PCDHGB2: variants seen among roughly 807,000 people sequenced by gnomAD.
PCDHGB2 encodes protocadherin gamma-B2.
In PCDHGB2, 55 loss-of-function variants were observed where a neutral mutation model predicts 59.3. The ratio of observed to expected loss-of-function variants is 0.93; its 90% CI spans 0.75 to 1.16. The LOEUF is 1.16. Ranked by LOEUF, PCDHGB2 falls within the 50% of genes most tolerant of loss-of-function variation. The probability of loss-of-function intolerance (pLI) is 0.00; values close to 1 mark genes in which losing one functional copy is unlikely to be tolerated. For synonymous variants in PCDHGB2, 516 were observed against 512.0 expected, an observed-to-expected ratio of 1.01 and a Z score of -0.11; for missense variants, 1,228 against 1,198.5, an observed-to-expected ratio of 1.02 and a Z score of -0.36.
intron 1 of PCDHGB2, chr5:141,407,908 G>C (rs1431775491): frequency 2.4e-6 from 1 of 420,166 alleles, no homozygotes; most frequent in Non-Finnish European, 4.2e-6. Flanking sequence ...ATGAAAAACC[G>C]GGCTGCTGTC....
rs1055747392 is a variant in PCDHGB2 at position 141,490,298 on chromosome 5, C to G, written c.2422-4509C>G. 6.2e-7 allele frequency: 1 copy of G among 1,614,178 alleles called. No individual in the cohort carries two copies. The highest frequency in any genetic ancestry group is 1.3e-5 in the African/African-American group (1 of 75,036). On this transcript the variant is annotated intron_variant, in intron 1 of 3. Transcript: ENST00000522605. The surrounding 1 kb of genome is among the most constrained non-coding windows in gnomAD (Gnocchi z 5.4). ...GACAATGCCCCAGAGGTGCTATTGG[C>G]CTCTTTGGCCAACCCTGTCCTAGAG...
chr5:141,423,708 T>A (rs1384948123), intron 1 of PCDHGB2: 23 of 1,349,902 alleles, frequency 1.7e-5, no homozygotes, highest in Non-Finnish European at 2.2e-5. Flanking sequence ...TTGGCACAAG[T>A]CTTTTAAGGA....
rs752402965 is a variant in PCDHGB2, at chr5:141,491,400, C to G, written c.2422-3407C>G. The G allele has an allele frequency of 2.7e-5, 44 of 1,613,990 alleles. No individual in the cohort carries two copies. The highest frequency in any genetic ancestry group is 3.5e-5 in the Non-Finnish European group (41 of 1,179,996). On this transcript the variant is annotated intron_variant, in intron 1 of 3. Coordinates refer to ENST00000522605, the MANE Select transcript of PCDHGB2 (RefSeq NM_018923.3). The surrounding 1 kb of genome is among the most constrained non-coding windows in gnomAD (Gnocchi z 6.9). ...TGTCAGCGAAGTGCCTTCAGGGAAA[C>G]GCAGACGGGGACGGGGGTGGAGGGC... is the stretch of plus-strand genomic sequence containing the variant.
chr5:141,369,477 G>A (rs372546289), intron 1 of PCDHGB2, among the ~76,000 whole-genome samples: 20 of 151,976 alleles, frequency 1.3e-4, no homozygotes, highest in East Asian at 5.8e-4. Flanking sequence ...GCCCAGCCTG[G>A]GCAACATAGT....
At chr5:141,376,952 G>T (rs1773571680) in intron 1 of PCDHGB2, 1 of 165,710 alleles carries the variant, frequency 6.0e-6, no homozygotes, top group African/African-American at 2.4e-5. Flanking sequence ...CTCCCAAAGT[G>T]CTGGGATTAC....
intron 1 of PCDHGB2, chr5:141,410,576 C>T (rs533810160): frequency 8.7e-6 from 14 of 1,611,152 alleles, no homozygotes; most frequent in Non-Finnish European, 1.2e-5. Context: ...AATTCCACCT[C>T]ATGGTGGGGA....
Position 141,477,020 on chromosome 5 carries a change from G to C in PCDHGB2, c.2422-17787G>C, listed in dbSNP as rs1383192345. The C allele has an allele frequency of 6.2e-7, 1 of 1,614,224 alleles. No homozygotes were observed. The highest frequency in any genetic ancestry group is 8.5e-7 in the Non-Finnish European group (1 of 1,180,048). On this transcript the variant is annotated intron_variant, in intron 1 of 3. Coordinates refer to ENST00000522605, the MANE Select transcript of PCDHGB2 (RefSeq NM_018923.3). The surrounding 1 kb of genome is among the most constrained non-coding windows in gnomAD (Gnocchi z 4.9). ...ACTATTCGCCTTAGACCTTGTAACC[G>C]GGATGCTGACAATCAAGGGTCGGCT...
Position 141,477,486 on chromosome 5 carries a change from C to A in PCDHGB2, c.2422-17321C>A. On this transcript the variant is annotated intron_variant, in intron 1 of 3. Coordinates refer to ENST00000522605, the MANE Select transcript of PCDHGB2 (RefSeq NM_018923.3). This position sits in a 1 kb window ranked among gnomAD's most constrained non-coding sequence, Gnocchi z 4.9. ...GACATCAATGACAACCCTCCACAAT[C>A]TTCTCAATCTTCCTACGACGTTTAC... is the stretch of plus-strand genomic sequence containing the variant. The A allele has an allele frequency of 6.2e-7, 1 of 1,614,170 alleles. No homozygotes were observed. The highest frequency in any genetic ancestry group is 8.5e-7 in the Non-Finnish European group (1 of 1,180,040).
intron 1 of PCDHGB2, among the ~76,000 whole-genome samples, chr5:141,460,961 A>ATATGTGTGTGTG (rs1463306338): frequency 4.1e-5 from 6 of 144,616 alleles, no homozygotes; most frequent in Admixed American, 1.4e-4. Flanking sequence ...GTATATATAT[A>ATATGTGTGTGTG]TGTGTGTGTG....
chr5:141,464,419 A>G (rs2099083824), intron 1 of PCDHGB2, among the ~76,000 whole-genome samples: 1 of 151,768 alleles, frequency 6.6e-6, no homozygotes, highest in South Asian at 2.1e-4. Context: ...ATATATCTAT[A>G]TATATAGATA....
rs143138320 is a variant in PCDHGB2 at position 141,489,458 on chromosome 5, G to C, written c.2422-5349G>C. The stretch of plus-strand genomic sequence containing the variant: ...CAATTGGGCTCTGAGGAGAATGGGC[G>C]CTATTTTTCCCTGAGCTTGATGAGT... On this transcript the variant is annotated intron_variant, in intron 1 of 3. Coordinates refer to ENST00000522605, the MANE Select transcript of PCDHGB2 (RefSeq NM_018923.3). The surrounding 1 kb of genome is among the most constrained non-coding windows in gnomAD (Gnocchi z 4.5). 3.7e-6 allele frequency: 6 copies of C among 1,613,924 alleles called. No individual in the cohort carries two copies. The highest frequency in any genetic ancestry group is 5.1e-6 in the Non-Finnish European group (6 of 1,180,000).
At chr5:141,399,910 G>T in intron 1 of PCDHGB2, 1 of 1,612,438 alleles carries the variant, frequency 6.2e-7, no homozygotes, top group Non-Finnish European at 8.5e-7. Context: ...CGCAGACTCA[G>T]GACACAACGC....
intron 1 of PCDHGB2, among the ~76,000 whole-genome samples, chr5:141,458,869 A>G (rs2154566384): frequency 6.6e-6 from 1 of 152,264 alleles, no homozygotes; most frequent in East Asian, 1.9e-4. Context: ...AGTAGCTGGG[A>G]CTACAGGCAT....
chr5:141,450,815 A>AT (rs1554136868), intron 1 of PCDHGB2, among the ~76,000 whole-genome samples: 4,329 of 126,688 alleles, frequency 0.034, 70 homozygotes, highest in Middle Eastern at 0.091. Flanking sequence ...TATTTATTTA[A>AT]TATTATTATT....
In PCDHGB2 at chr5:141,489,958, C is replaced by T; in HGVS notation, c.2422-4849C>T. 1 of 1,614,202 alleles carries T rather than the reference C, an allele frequency of 6.2e-7. No individual in the cohort carries two copies. The highest frequency in any genetic ancestry group is 8.5e-7 in the Non-Finnish European group (1 of 1,180,016). On this transcript the variant is annotated intron_variant, in intron 1 of 3. Transcript: ENST00000522605. This position sits in a 1 kb window ranked among gnomAD's most constrained non-coding sequence, Gnocchi z 4.5. ...CGTGCTGGACATCAATGATAATGCT[C>T]CAACCTTCCAATCCTCAGTTCTACG... is the stretch of plus-strand genomic sequence containing the variant.
At chr5:141,430,084 A>G (rs538721051) in intron 1 of PCDHGB2, among the ~76,000 whole-genome samples, 2 of 152,292 alleles carry the variant, frequency 1.3e-5, no homozygotes, top group Admixed American at 1.3e-4. Context: ...AATATCATGA[A>G]AATTTGATTT....
In PCDHGB2 at chr5:141,477,147, A is replaced by G. The variant is rs1195888163; in HGVS notation, c.2422-17660A>G. On this transcript the variant is annotated intron_variant, in intron 1 of 3. Coordinates refer to ENST00000522605, the MANE Select transcript of PCDHGB2 (RefSeq NM_018923.3). The surrounding 1 kb of genome is among the most constrained non-coding windows in gnomAD (Gnocchi z 4.9). The stretch of plus-strand genomic sequence containing the variant: ...TGCAAAGTGTTGGTGGAGGTTGTGG[A>G]TGTGAATGACAACGCCCCGGAGATC... 2 of 1,614,168 alleles carry G rather than the reference A, an allele frequency of 1.2e-6. No individual in the cohort carries two copies. The highest frequency in any genetic ancestry group is 1.1e-5 in the South Asian group (1 of 91,080).
chr5:141,393,731 T>C (rs1268576228), intron 1 of PCDHGB2: 1 of 1,613,754 alleles, frequency 6.2e-7, no homozygotes, highest in Non-Finnish European at 8.5e-7. Context: ...TAGCAAAAAG[T>C]CTAGATTATG....
intron 1 of PCDHGB2, among the ~76,000 whole-genome samples, chr5:141,456,499 A>C (rs1283501704): frequency 6.6e-6 from 1 of 152,210 alleles, no homozygotes; most frequent in Non-Finnish European, 1.5e-5. Flanking sequence ...AAAGGGGTTA[A>C]CCAATTCCAT....
Sources: gnomAD v4.1 joint callset for allele counts (sites outside exome capture counted in the v4.1 genomes callset) on GRCh38, gnomAD v4.1.1 for gene constraint, Gnocchi (gnomAD v3.1) non-coding constraint, MANE v1.5 for transcripts, NCBI Gene and HGNC (gene_info 2026-07-23, HGNC 2026-07-21) for gene names.